Variants in UBE4B observed in about 807,000 individuals in gnomAD.
UBE4B encodes the protein ubiquitination factor E4B.
Under a neutral mutation model 148.1 loss-of-function variants are expected in UBE4B, and 27 were observed. The observed-to-expected ratio is 0.18, with a 90% CI of 0.13 to 0.25. The LOEUF is 0.25. Among genes scored for constraint, UBE4B ranks in the 10% least tolerant of loss-of-function variants. UBE4B has a pLI of 1.00. For synonymous variants in UBE4B, 596 were observed against 619.3 expected (o/e 0.96, Z 0.56); for missense variants, 1,170 against 1,662.4 (o/e 0.70, Z 5.15).
rs781407095 is a variant in UBE4B at position 10,137,175 on chromosome 1, G to A, written c.2333G>A (p.Arg778His). The change falls in exon 17 of 28, where the codon CGC (arginine) becomes CAC (histidine). Residue 778 changes from arginine (R) to histidine (H), a missense_variant. Transcript: ENST00000343090. ...CTGCCTAGTTGCCGTCGCTATATCC[G>A]CAGACTCCGGGCTATCCGGGAGCTC... ...SILPSCRRYI[R>H]RLRAIRELNR... The A allele has an allele frequency of 2.2e-5, 35 of 1,613,912 alleles. No individual in the cohort carries two copies. Among genetic ancestry groups the A allele is most frequent in the Non-Finnish European group, 1.9e-5 (23 of 1,180,008 alleles).
chr1:10,170,094 C>G (rs1646316704), intron 24 of UBE4B, among the ~76,000 whole-genome samples: 1 of 152,222 alleles, frequency 6.6e-6, no homozygotes, highest in African/African-American at 2.4e-5. Context: ...TGGCCCCAGC[C>G]TGTGCCTGTG....
rs539417485 is a variant in UBE4B at position 10,168,840 on chromosome 1, C to T, written c.3333+570C>T. ...CCGGGAGGCAGAGCTGGCAGTGAGC[C>T]GAGATGGTGCCACTGCACTCCAGCC... On this transcript the variant is annotated intron_variant, in intron 24 of 27. Transcript: ENST00000343090. The surrounding 1 kb of genome is among the most constrained non-coding windows in gnomAD (Gnocchi z 4.9). 6.8e-6 allele frequency among the ~76,000 whole-genome samples: 1 copy of T among 147,776 alleles called. No homozygotes were observed. The highest frequency in any genetic ancestry group is 1.5e-5 in the Non-Finnish European group (1 of 67,476).
intron 20 of UBE4B, among the ~76,000 whole-genome samples, chr1:10,150,435 A>G (rs1305710864): frequency 6.6e-6 from 1 of 152,130 alleles, no homozygotes. Context: ...AAACTATCAA[A>G]ATTTTTATGT....
chr1:10,098,196 A>G (rs572595958), intron 3 of UBE4B, among the ~76,000 whole-genome samples: 5 of 152,238 alleles, frequency 3.3e-5, no homozygotes, highest in African/African-American at 1.2e-4. Flanking sequence ...ACAATATAAT[A>G]TAAATATAGT....
chr1:10,054,189 A>G (rs1644116372), intron 1 of UBE4B, among the ~76,000 whole-genome samples: 4 of 152,138 alleles, frequency 2.6e-5, no homozygotes, highest in African/African-American at 9.7e-5. Context: ...CTATCTTCAA[A>G]CCAATACAAA....
chr1:10,107,808 C>T (rs1645142841), intron 7 of UBE4B, among the ~76,000 whole-genome samples: 1 of 152,044 alleles, frequency 6.6e-6, no homozygotes, highest in Non-Finnish European at 1.5e-5. Flanking sequence ...GAACTCCTGA[C>T]CTCAAGTGAT....
At chr1:10,076,703 T>C (rs372416371) in intron 2 of UBE4B, among the ~76,000 whole-genome samples, 39 of 151,710 alleles carry the variant, frequency 2.6e-4, no homozygotes, top group African/African-American at 9.2e-4. Flanking sequence ...TAGGGGGTCC[T>C]TCCACTTCCA....
chr1:10,143,405 A>G (rs1313398575), intron 17 of UBE4B, among the ~76,000 whole-genome samples: 1 of 152,118 alleles, frequency 6.6e-6, no homozygotes, highest in African/African-American at 2.4e-5. Context: ...AGTCTAAAAA[A>G]AAAAGACAAC....
rs541355879 is a variant in UBE4B at position 10,161,202 on chromosome 1, C to T, written c.3114C>T (p.Leu1038=). The T allele has an allele frequency of 5.6e-6, 9 of 1,613,946 alleles. No homozygotes were observed. The East Asian group carries it at 8.9e-5, about 16-fold the overall frequency. The change falls in exon 23 of 28, where the codon CTC becomes CTT. Residue 1038 remains leucine (L), a synonymous_variant. Transcript: ENST00000343090. This position sits in a 1 kb window ranked among gnomAD's most constrained non-coding sequence, Gnocchi z 4.1. ...NMLINDTTFL[L]DESLESLKRI... is the part of the protein sequence containing the mutation. ...TGATAAACGACACGACGTTTTTGCT[C>T]GATGAAAGTCTGGAGTCTCTGAAGC...
At chr1:10,075,201 A>T (rs536508011) in intron 2 of UBE4B, among the ~76,000 whole-genome samples, 1 of 152,334 alleles carries the variant, frequency 6.6e-6, no homozygotes, top group African/African-American at 2.4e-5. Flanking sequence ...TAAATGAGCA[A>T]GTGTAACTGT....
At chr1:10,038,678 T>G (rs1009922087) in intron 1 of UBE4B, among the ~76,000 whole-genome samples, 2 of 152,200 alleles carry the variant, frequency 1.3e-5, no homozygotes, top group Non-Finnish European at 2.9e-5. Context: ...CCCACTCTGT[T>G]TTGATATACA....
chr1:10,082,061 A>G (rs1245702656), intron 2 of UBE4B, among the ~76,000 whole-genome samples: 3 of 151,998 alleles, frequency 2.0e-5, no homozygotes, highest in Non-Finnish European at 4.4e-5. Flanking sequence ...TCTATTTTAT[A>G]TGTTTGTTTA....
chr1:10,114,210 C>T (rs1466283857), intron 7 of UBE4B, among the ~76,000 whole-genome samples: 1 of 151,980 alleles, frequency 6.6e-6, no homozygotes, highest in Non-Finnish European at 1.5e-5. Flanking sequence ...TTGTCATCTG[C>T]AAGAGCTGTT....
intron 2 of UBE4B, among the ~76,000 whole-genome samples, chr1:10,091,976 T>G (rs546964069): frequency 6.0e-4 from 92 of 152,258 alleles, no homozygotes; most frequent in African/African-American, 2.1e-3. Flanking sequence ...CTCAAACTCC[T>G]GGCCTCAAGT....
chr1:10,099,845 C>T (rs1644981452), intron 3 of UBE4B, among the ~76,000 whole-genome samples: 1 of 152,100 alleles, frequency 6.6e-6, no homozygotes, highest in Non-Finnish European at 1.5e-5. Context: ...GACATAGGAG[C>T]TTTCATATTA....
chr1:10,075,327 C>T (rs1187758949), intron 2 of UBE4B, among the ~76,000 whole-genome samples: 1 of 152,222 alleles, frequency 6.6e-6, no homozygotes, highest in Non-Finnish European at 1.5e-5. Context: ...ACCAGATTCT[C>T]ACCACCTGTT....
chr1:10,166,881 C>T (rs1026340502), intron 23 of UBE4B, among the ~76,000 whole-genome samples: 4 of 151,448 alleles, frequency 2.6e-5, no homozygotes, highest in Admixed American at 6.6e-5. Flanking sequence ...GCCAAGATCG[C>T]GCCACTGCAC....
chr1:10,104,693 G>T (rs1333797264), intron 5 of UBE4B, among the ~76,000 whole-genome samples: 2 of 152,188 alleles, frequency 1.3e-5, no homozygotes, highest in African/African-American at 4.8e-5. Context: ...TAAATCTTAA[G>T]ATTCTCTGTC....
At chr1:10,159,405 G>T (rs1305366334) in intron 22 of UBE4B, among the ~76,000 whole-genome samples, 1 of 152,218 alleles carries the variant, frequency 6.6e-6, no homozygotes, top group Non-Finnish European at 1.5e-5. Flanking sequence ...GGGCGTGGTG[G>T]CTCATGCCTG....
Sources: allele counts gnomAD v4.1 joint callset (sites outside exome capture counted in the v4.1 genomes callset), GRCh38; gene constraint gnomAD v4.1.1; non-coding constraint Gnocchi (gnomAD v3.1); transcripts MANE v1.5; gene names NCBI Gene and HGNC (gene_info 2026-07-23, HGNC 2026-07-21).